Variants in HELLS observed in about 807,000 individuals in gnomAD.
HELLS encodes lymphoid-specific helicase.
Under a neutral mutation model 120.0 loss-of-function variants are expected in HELLS, and 32 were observed. The observed-to-expected ratio is 0.27, with a 90% CI of 0.20 to 0.36. The LOEUF is 0.36. Among genes scored for constraint, HELLS ranks in the 10% least tolerant of loss-of-function variants. HELLS has a pLI of 1.00. For missense variants in HELLS, 650 were observed against 993.4 expected (o/e 0.65, Z 4.65); for synonymous variants, 341 against 323.4 (o/e 1.05, Z -0.58).
chr10:94,592,833 G>C (rs780278663), intron 17 of HELLS, among the ~76,000 whole-genome samples: 1 of 150,164 alleles, frequency 6.7e-6, no homozygotes, highest in Non-Finnish European at 1.5e-5. Flanking sequence ...CAACTATATG[G>C]CAAAGTTGAA....
downstream of HELLS, among the ~76,000 whole-genome samples, chr10:94,604,422 CT>C (rs766781215): frequency 2.0e-5 from 3 of 152,120 alleles, no homozygotes; most frequent in Admixed American, 6.5e-5. Context: ...GCCCAGCCTA[CT>C]TTCTATAAAA....
intron 2 of HELLS, among the ~76,000 whole-genome samples, chr10:94,547,720 T>A (rs567558955): frequency 6.6e-6 from 1 of 152,346 alleles, no homozygotes; most frequent in South Asian, 2.1e-4. Context: ...TTAGTCATCT[T>A]ATTTTACAGA....
intron 6 of HELLS, among the ~76,000 whole-genome samples, chr10:94,563,104 CTT>C (rs752391404): frequency 3.5e-5 from 5 of 144,628 alleles, no homozygotes; most frequent in African/African-American, 7.5e-5. Context: ...CCTTCATAGA[CTT>C]TTTTTTTTTT....
In HELLS at chr10:94,592,332, T is replaced by G; in HGVS notation, c.1851+20T>G. 3 of 1,590,730 alleles carry G rather than the reference T, an allele frequency of 1.9e-6. No individual in the cohort carries two copies. Among genetic ancestry groups the G allele is most frequent in the Non-Finnish European group, 2.6e-6 (3 of 1,170,092 alleles). On this transcript the variant is annotated intron_variant, in intron 16 of 21. Transcript: ENST00000348459. ...CACAAGGTGGTACTTTTGATTGGAA[T>G]TTTGGATTGTTCAATTATTTTTTTA... is the stretch of plus-strand genomic sequence containing the variant.
At chr10:94,571,473 ACTC>A in intron 7 of HELLS, 44 bp downstream of exon 7, 1 of 1,407,952 alleles carries the variant, frequency 7.1e-7, no homozygotes, top group Non-Finnish European at 9.8e-7. Flanking sequence ...AGTCATATTT[ACTC>A]CTCAGTTACT....
rs182905724 is a variant in HELLS, at chr10:94,583,305, G to A, written c.1326+246G>A. Among the ~76,000 whole-genome samples, 56 of 152,222 alleles carry A rather than the reference G, an allele frequency of 3.7e-4. 2 individuals are homozygous for A. The East Asian group carries it at 0.01, about 28-fold the overall frequency. On this transcript the variant is annotated intron_variant, in intron 12 of 21. Transcript: ENST00000348459. ...TTTTACCCCTAATGGTTACTGATAA[G>A]TTTGTCAAGCACAAAACAGAAGTAT...
rs773580902 is a variant in HELLS, at chr10:94,546,391, G to T, written c.46G>T (p.Ala16Ser). 2 of 1,614,184 alleles carry T rather than the reference G, an allele frequency of 1.2e-6. No individual in the cohort carries two copies. The highest frequency in any genetic ancestry group is 1.7e-6 in the Non-Finnish European group (2 of 1,180,046). ...PAGSGGSEAP[A>S]MVEQLDTAVI... The stretch of plus-strand genomic sequence containing the variant: ...TCCCCCGTCAGGCTCGGAGGCTCCA[G>T]CAATGGTTGAACAACTGGACACTGC... The change falls in exon 2 of 22, where the codon GCA becomes TCA. Residue 16 changes from alanine to serine, a missense_variant. Around this residue, in one of 9 missense-constraint regions of HELLS, gnomAD observed 90 missense variants for 93.6 expected, o/e 0.96. Transcript: ENST00000348459.
Position 94,592,148 on chromosome 10 carries a change from T to G in HELLS, c.1768-81T>G, listed in dbSNP as rs1327666774. ...TTTTAAGTGACTTGGCTTTGAAAATTGAACTTTCCAAATGGCTTTTGTTTT... is the reference window on the plus strand; with the variant it reads ...TTTTAAGTGACTTGGCTTTGAAAATGGAACTTTCCAAATGGCTTTTGTTTT... On this transcript the variant is annotated intron_variant, in intron 15 of 21. Transcript: ENST00000348459. The G allele has an allele frequency of 7.5e-6, 8 of 1,068,320 alleles. No individual in the cohort carries two copies. The East Asian group carries it at 2.0e-4, about 26-fold the overall frequency. 66.2% of individuals were successfully genotyped at this position (1,068,320 alleles called of 1,614,324 possible).
At chr10:94,606,341 C>T (rs1276050448), downstream of HELLS, among the ~76,000 whole-genome samples, 1 of 151,810 alleles carries the variant, frequency 6.6e-6, no homozygotes, top group African/African-American at 2.4e-5. Flanking sequence ...CCCTTCTCTG[C>T]CTAGAATTTT....
At chr10:94,574,764 T>C in intron 9 of HELLS, 28 bp downstream of exon 9, 1 of 1,552,500 alleles carries the variant, frequency 6.4e-7, no homozygotes, top group East Asian at 2.2e-5. Flanking sequence ...ATGTTAAAAT[T>C]ATAATTTTAC....
In HELLS at chr10:94,578,114, G is replaced by A. The variant is rs148883977; in HGVS notation, c.1032+1309G>A. ...AAAAAAAAATACAAAAATTAGCTGG[G>A]TGTGATGGTGCACATGTTTAATGGC... On this transcript the variant is annotated intron_variant, in intron 10 of 21. Coordinates refer to ENST00000348459, the MANE Select transcript of HELLS (RefSeq NM_018063.5). Among the ~76,000 whole-genome samples, 387 of 151,646 alleles carry A rather than the reference G, an allele frequency of 2.6e-3. 2 individuals carry two copies. The highest frequency in any genetic ancestry group is 8.7e-3 in the African/African-American group (360 of 41,386).
rs1369058776 is a variant in HELLS, at chr10:94,545,802, CT to C, written c.-114del. 1 of 1,195,172 alleles carries C rather than the reference CT, an allele frequency of 8.4e-7. No individual in the cohort carries two copies. The highest frequency in any genetic ancestry group is 1.2e-6 in the Non-Finnish European group (1 of 821,716). 74.0% of individuals were successfully genotyped at this position (1,195,172 alleles called of 1,614,324 possible). On this transcript the variant is annotated 5_prime_UTR_variant, in exon 1 of 22. Coordinates refer to ENST00000348459, the MANE Select transcript of HELLS (RefSeq NM_018063.5). ...GATTTTCCCGCGAAGGAGAAGCGCG[CT>C]TTTTTCCCTGGCGGGGGATTTGGCT...
chr10:94,598,063 T>A (rs1168055336), intron 21 of HELLS, among the ~76,000 whole-genome samples: 1 of 152,062 alleles, frequency 6.6e-6, no homozygotes, highest in East Asian at 1.9e-4. Flanking sequence ...CCTACAGTGA[T>A]GACCATGAAT....
intron 12 of HELLS, among the ~76,000 whole-genome samples, chr10:94,586,977 G>C (rs1421298257): frequency 6.6e-6 from 1 of 152,062 alleles, no homozygotes; most frequent in Non-Finnish European, 1.5e-5. Flanking sequence ...TTACAGGTGT[G>C]AGCTACTGCG....
At chr10:94,600,862 C>A (rs1846001386) in intron 21 of HELLS, among the ~76,000 whole-genome samples, 3 of 151,916 alleles carry the variant, frequency 2.0e-5, no homozygotes, top group Admixed American at 6.6e-5. Flanking sequence ...ACAGATGACA[C>A]CATAAAGAGA....
intron 12 of HELLS, among the ~76,000 whole-genome samples, chr10:94,585,938 A>G (rs1270341441): frequency 6.6e-6 from 1 of 152,028 alleles, no homozygotes; most frequent in Non-Finnish European, 1.5e-5. Context: ...GTATACTAGG[A>G]AAAACATATA....
At chr10:94,564,366 A>T (rs901253846) in intron 6 of HELLS, among the ~76,000 whole-genome samples, 2 of 152,212 alleles carry the variant, frequency 1.3e-5, no homozygotes, top group African/African-American at 4.8e-5. Context: ...GCTCTTTGTT[A>T]AACGAGTCTG....
At chr10:94,568,339 A>G (rs1381636664) in intron 6 of HELLS, among the ~76,000 whole-genome samples, 1 of 151,886 alleles carries the variant, frequency 6.6e-6, no homozygotes, top group Non-Finnish European at 1.5e-5. Flanking sequence ...CAAACAATTT[A>G]TCTTTTCCTC....
chr10:94,573,399 C>G (rs1447974879), intron 7 of HELLS, among the ~76,000 whole-genome samples: 1 of 152,132 alleles, frequency 6.6e-6, no homozygotes, highest in African/African-American at 2.4e-5. Context: ...TTCTAATGAT[C>G]TTTTCAAAAG....
Sources: gnomAD v4.1 joint callset for allele counts (sites outside exome capture counted in the v4.1 genomes callset) on GRCh38, gnomAD v4.1.1 for gene constraint, gnomAD v4.1.1 regional missense constraint, MANE v1.5 for transcripts, NCBI Gene and HGNC (gene_info 2026-07-23, HGNC 2026-07-21) for gene names.